The following SEMA3E variants were observed in gnomAD, a reference collection of about 807,000 sequenced individuals.
SEMA3E encodes semaphorin-3E.
SEMA3E carries 49 observed loss-of-function variants against 93.6 expected under a neutral mutation model. The ratio of observed to expected loss-of-function variants is 0.52; its 90% CI spans 0.42 to 0.66. SEMA3E has a LOEUF of 0.66. Among genes scored for constraint, SEMA3E ranks in the 30% least tolerant of loss-of-function variants. SEMA3E has a pLI of 0.00. For synonymous variants in SEMA3E, 363 were observed against 330.7 expected, an observed-to-expected ratio of 1.10 and a Z score of -1.06; for missense variants, 906 against 964.8, an observed-to-expected ratio of 0.94 and a Z score of 0.81.
At chr7:83,497,740 A>G (rs1790516781) in intron 1 of SEMA3E, among the ~76,000 whole-genome samples, 1 of 152,176 alleles carries the variant, frequency 6.6e-6, no homozygotes, top group African/African-American at 2.4e-5. Context: ...ATGGACAATC[A>G]GCTTGTCTTT....
rs1196711500 is a variant in SEMA3E, at chr7:83,366,418, C to T, written c.*1168G>A. 2 of 151,804 alleles carry T rather than the reference C, an allele frequency of 1.3e-5. No homozygotes were observed. Among genetic ancestry groups the T allele is most frequent in the Non-Finnish European group, 2.9e-5 (2 of 67,832 alleles). 9.4% of individuals were successfully genotyped at this position (151,804 alleles called of 1,614,324 possible). On this transcript the variant is annotated 3_prime_UTR_variant, in exon 17 of 17. Coordinates refer to ENST00000643230, the MANE Select transcript of SEMA3E (RefSeq NM_012431.3). ...GAATATCTCAGTAGTTAAGTGAACT[C>T]ATGAAACAATTTTCTGTCTCTTAAT... is the stretch of plus-strand genomic sequence containing the variant.
intron 4 of SEMA3E, among the ~76,000 whole-genome samples, chr7:83,460,043 T>C (rs1357784885): frequency 6.6e-6 from 1 of 152,176 alleles, no homozygotes; most frequent in Admixed American, 6.5e-5. Flanking sequence ...TCAGCCCGCC[T>C]GCACCCAGGT....
intron 16 of SEMA3E, among the ~76,000 whole-genome samples, chr7:83,379,249 G>T (rs1787727122): frequency 6.6e-6 from 1 of 151,426 alleles, no homozygotes; most frequent in Non-Finnish European, 1.5e-5. Context: ...CAAAAGGTGG[G>T]AGGGTGAGAG....
intron 2 of SEMA3E, among the ~76,000 whole-genome samples, chr7:83,477,042 C>A: frequency 6.6e-6 from 1 of 152,034 alleles, no homozygotes; most frequent in African/African-American, 2.4e-5. Flanking sequence ...TACTGAGTCA[C>A]ATAATTATAC....
chr7:83,500,590 C>CT lies in SEMA3E; in HGVS notation c.116-10317dup, dbSNP rs371350850. ...TCTATACATCTATCTAACTTTCTTC[C>CT]TTTTTTTTTTTTTTTTTTTGAGATA... On this transcript the variant is annotated intron_variant, in intron 1 of 16. Coordinates refer to ENST00000643230, the MANE Select transcript of SEMA3E (RefSeq NM_012431.3). 5.1e-3 allele frequency among the ~76,000 whole-genome samples: 510 copies of CT among 100,628 alleles called. 23 individuals carry two copies. The highest frequency in any genetic ancestry group is 0.024 in the East Asian group (72 of 3,030). 66.0% of individuals were successfully genotyped at this position (100,628 alleles called of 152,430 possible). A position where few individuals can be genotyped will look rare whatever the true frequency, so the allele number is the denominator to read the frequency against.
intron 4 of SEMA3E, among the ~76,000 whole-genome samples, chr7:83,426,925 T>C (rs1433558270): frequency 2.0e-5 from 3 of 152,270 alleles, no homozygotes; most frequent in African/African-American, 7.2e-5. Flanking sequence ...AATACATTAT[T>C]GTATTAATCT....
At chr7:83,507,240 A>G (rs185710708) in intron 1 of SEMA3E, among the ~76,000 whole-genome samples, 1 of 152,286 alleles carries the variant, frequency 6.6e-6, no homozygotes, top group African/African-American at 2.4e-5. Flanking sequence ...AAATCCATGT[A>G]AAATTGAGAA....
intron 1 of SEMA3E, among the ~76,000 whole-genome samples, chr7:83,553,054 C>G (rs1352517646): frequency 1.3e-5 from 2 of 151,940 alleles, no homozygotes; most frequent in East Asian, 3.9e-4. Context: ...TTCTTATACC[C>G]TCTCCCCTTT....
At chr7:83,459,932 G>A (rs528298319) in intron 4 of SEMA3E, among the ~76,000 whole-genome samples, 8 of 152,134 alleles carry the variant, frequency 5.3e-5, no homozygotes, top group African/African-American at 9.6e-5. Context: ...ACTCCTGCCC[G>A]CCAGAGAACA....
chr7:83,475,143 G>A (rs549625107), intron 2 of SEMA3E, among the ~76,000 whole-genome samples: 2 of 151,408 alleles, frequency 1.3e-5, no homozygotes, highest in African/African-American at 4.9e-5. Flanking sequence ...CATAACTTAC[G>A]AGATATAGGC....
At chr7:83,606,090 A>T (rs967666486) in intron 1 of SEMA3E, among the ~76,000 whole-genome samples, 2 of 152,216 alleles carry the variant, frequency 1.3e-5, no homozygotes, top group East Asian at 3.9e-4. Context: ...AGCAATCATT[A>T]CATGTTTTGT....
At chr7:83,547,591 T>G (rs1360266039) in intron 1 of SEMA3E, among the ~76,000 whole-genome samples, 1 of 152,270 alleles carries the variant, frequency 6.6e-6, no homozygotes, top group Admixed American at 6.6e-5. Context: ...CATACTTTGG[T>G]ATAACTGCCA....
intron 16 of SEMA3E, 45 bp downstream of exon 16, chr7:83,385,249 A>C (rs781452966): frequency 2.5e-6 from 4 of 1,604,880 alleles, no homozygotes; most frequent in Non-Finnish European, 3.4e-6. Context: ...CTGATCACAC[A>C]CTATATGCAA....
intron 16 of SEMA3E, among the ~76,000 whole-genome samples, chr7:83,383,646 C>G (rs1024645980): frequency 2.6e-5 from 4 of 151,730 alleles, no homozygotes; most frequent in African/African-American, 9.7e-5. Context: ...AAAATAGGTA[C>G]TAAAAATTAT....
At chr7:83,628,510 T>C (rs1460949339) in intron 1 of SEMA3E, among the ~76,000 whole-genome samples, 1 of 151,936 alleles carries the variant, frequency 6.6e-6, no homozygotes, top group Non-Finnish European at 1.5e-5. Context: ...TCTCTAATCT[T>C]GTCTTCATGC....
chr7:83,595,313 A>G (rs1391821889), intron 1 of SEMA3E, among the ~76,000 whole-genome samples: 2 of 152,070 alleles, frequency 1.3e-5, no homozygotes, highest in African/African-American at 4.8e-5. Flanking sequence ...TCTTTATGTA[A>G]CACATTTCTT....
At chr7:83,563,741 G>A (rs1390942573) in intron 1 of SEMA3E, among the ~76,000 whole-genome samples, 1 of 152,112 alleles carries the variant, frequency 6.6e-6, no homozygotes, top group Non-Finnish European at 1.5e-5. Context: ...TGAGTCATAT[G>A]AAAATATATG....
At chr7:83,426,591 G>A (rs1788772927) in intron 4 of SEMA3E, among the ~76,000 whole-genome samples, 2 of 152,084 alleles carry the variant, frequency 1.3e-5, no homozygotes, top group Non-Finnish European at 2.9e-5. Flanking sequence ...AGTACCTGGC[G>A]ATGGGATTAA....
At chr7:83,570,866 A>G (rs953776159) in intron 1 of SEMA3E, among the ~76,000 whole-genome samples, 2 of 148,710 alleles carry the variant, frequency 1.3e-5, no homozygotes, top group African/African-American at 4.9e-5. Context: ...AAAAGCCATT[A>G]CAACTGAGCC....
Sources: gnomAD v4.1 joint callset for allele counts (sites outside exome capture counted in the v4.1 genomes callset) on GRCh38, gnomAD v4.1.1 for gene constraint, MANE v1.5 for transcripts, NCBI Gene and HGNC (gene_info 2026-07-23, HGNC 2026-07-21) for gene names.